ADISSP: variants seen among roughly 807,000 people sequenced by gnomAD.
The protein encoded by ADISSP is adipose-secreted signaling protein.
At chr20:3,767,559 G>C in the ADISSP span, 4 of 152,702 alleles carry the variant, frequency 2.6e-5, no homozygotes, top group Admixed American at 2.6e-4. Context: ...CATCACGGCC[G>C]CTGGGGTCCC....
chr20:3,762,050 G>A, the ADISSP span, among the ~76,000 whole-genome samples: 4 of 152,126 alleles, frequency 2.6e-5, no homozygotes, highest in African/African-American at 4.8e-5. Flanking sequence ...CACTTTCACG[G>A]ATCACAAGGT....
At chr20:3,764,621 C>T in the ADISSP span, among the ~76,000 whole-genome samples, 1 of 152,222 alleles carries the variant, frequency 6.6e-6, no homozygotes, top group Middle Eastern at 3.2e-3. Flanking sequence ...ATTTGATATC[C>T]CTCTTCCTCA....
the ADISSP span, chr20:3,754,578 T>A: frequency 6.3e-7 from 1 of 1,578,730 alleles, no homozygotes; most frequent in Non-Finnish European, 8.7e-7. Context: ...ATCCTGCCCC[T>A]GGCACTCACG....
the ADISSP span, chr20:3,754,596 A>G: frequency 6.8e-7 from 1 of 1,464,624 alleles, no homozygotes; most frequent in Non-Finnish European, 9.5e-7. Context: ...ACGGGCCCCT[A>G]CCCACCACCA....
the ADISSP span, chr20:3,767,944 A>G: frequency 1.3e-5 from 2 of 152,216 alleles, no homozygotes; most frequent in East Asian, 1.9e-4. Flanking sequence ...CTGCCGGGCG[A>G]GCTCTCGCGA....
the ADISSP span, chr20:3,754,412 G>A: frequency 6.2e-7 from 1 of 1,613,754 alleles, no homozygotes; most frequent in Admixed American, 1.7e-5. Context: ...ACGCGGGCCT[G>A]CACCGTCACG....
the ADISSP span, chr20:3,755,342 C>G: frequency 2.4e-6 from 2 of 836,412 alleles, no homozygotes; most frequent in Non-Finnish European, 3.9e-6. Context: ...TGCCACAGTG[C>G]AAGCTCACAA....
chr20:3,758,462 C>T, the ADISSP span: 108 of 1,431,142 alleles, frequency 7.5e-5, no homozygotes, highest in Non-Finnish European at 1.0e-4. This position sits in a 1 kb window ranked among gnomAD's most constrained non-coding sequence, Gnocchi z 5.5. Context: ...CTGAGAGGAA[C>T]GGGGATAGGC....
the ADISSP span, chr20:3,758,616 T>C: frequency 6.2e-7 from 1 of 1,613,904 alleles, no homozygotes; most frequent in Non-Finnish European, 8.5e-7. This position sits in a 1 kb window ranked among gnomAD's most constrained non-coding sequence, Gnocchi z 5.5. Flanking sequence ...TGGACGTGGC[T>C]GTGGGATCCT....
At chr20:3,754,875 C>T in the ADISSP span, among the ~76,000 whole-genome samples, 671 of 152,222 alleles carry the variant, frequency 4.4e-3, 7 homozygotes, top group African/African-American at 0.015. Context: ...GGGGGCAGGG[C>T]AGGGTAGGCT....
the ADISSP span, among the ~76,000 whole-genome samples, chr20:3,766,691 G>T: frequency 6.6e-6 from 1 of 152,164 alleles, no homozygotes; most frequent in African/African-American, 2.4e-5. Flanking sequence ...GAGCACACAG[G>T]ATTATCTCCC....
the ADISSP span, chr20:3,760,290 G>A: frequency 1.4e-5 from 8 of 581,054 alleles, no homozygotes; most frequent in African/African-American, 1.1e-4. Context: ...AACCCCTACC[G>A]CTCTCAGCAG....
At chr20:3,760,033 C>T in the ADISSP span, 4 of 1,610,428 alleles carry the variant, frequency 2.5e-6, no homozygotes, top group East Asian at 6.7e-5. Flanking sequence ...CCTACCAGGG[C>T]CCACCGGAAG....
the ADISSP span, chr20:3,754,001 G>T: frequency 7.6e-7 from 1 of 1,322,416 alleles, no homozygotes; most frequent in Non-Finnish European, 1.1e-6. Context: ...GCAGCATGTC[G>T]GGGGGACAAG....
chr20:3,763,460 G>A, the ADISSP span, among the ~76,000 whole-genome samples: 1 of 151,646 alleles, frequency 6.6e-6, no homozygotes, highest in Non-Finnish European at 1.5e-5. Flanking sequence ...GGGAGGCTGA[G>A]GCAGGAGAAT....
At chr20:3,768,011 G>C in the ADISSP span, 1 of 152,448 alleles carries the variant, frequency 6.6e-6, no homozygotes, top group Middle Eastern at 3.4e-3. Context: ...ACTCGAAGAG[G>C]GAGAAGGAGG....
chr20:3,761,492 C>T, the ADISSP span, among the ~76,000 whole-genome samples: 26 of 152,152 alleles, frequency 1.7e-4, no homozygotes, highest in Admixed American at 2.6e-4. Flanking sequence ...CCCGCCACCA[C>T]GCCTAGCTAA....
chr20:3,760,235 C>T, the ADISSP span: 1 of 674,726 alleles, frequency 1.5e-6, no homozygotes, highest in Non-Finnish European at 2.6e-6. Context: ...ACTCATGGAC[C>T]CATGGCTCAG....
chr20:3,764,169 C>CA, the ADISSP span, among the ~76,000 whole-genome samples: 2 of 152,152 alleles, frequency 1.3e-5, no homozygotes, highest in Non-Finnish European at 2.9e-5. Context: ...GCTGTGAACT[C>CA]AGAGTATATG....
Sources: gnomAD v4.1 joint callset for allele counts (sites outside exome capture counted in the v4.1 genomes callset) on GRCh38, gnomAD v4.1.1 for gene constraint, Gnocchi (gnomAD v3.1) non-coding constraint, MANE v1.5 for transcripts, NCBI Gene and HGNC (gene_info 2026-07-23, HGNC 2026-07-21) for gene names.